Variants in SEM1 observed in about 807,000 individuals in gnomAD.
The protein encoded by SEM1 is SEM1 26S proteasome subunit.
Under a neutral mutation model 12.7 loss-of-function variants are expected in SEM1, and 3 were observed. That is an observed-to-expected ratio of 0.24 (90% CI 0.11 to 0.61). The LOEUF (loss-of-function observed/expected upper bound fraction) is 0.61, where lower values mean the gene tolerates loss of function less well. Among genes scored for constraint, SEM1 ranks in the 20% least tolerant of loss-of-function variants. The probability of loss-of-function intolerance (pLI) is 0.88; values close to 1 mark genes in which losing one functional copy is unlikely to be tolerated. For missense variants in SEM1, 59 were observed against 81.3 expected (o/e 0.73, Z 1.06); for synonymous variants, 30 against 27.8 (o/e 1.08, Z -0.25).
downstream of SEM1, among the ~76,000 whole-genome samples, chr7:96,686,469 A>G (rs1047304024): frequency 6.6e-6 from 1 of 152,176 alleles, no homozygotes; most frequent in Non-Finnish European, 1.5e-5. Context: ...CCATCACTTA[A>G]TACTGTCAGT....
chr7:96,683,547 G>A (rs1489186739), intron 2 of SEM1, among the ~76,000 whole-genome samples: 1 of 152,080 alleles, frequency 6.6e-6, no homozygotes, highest in African/African-American at 2.4e-5. Flanking sequence ...TATACCCAAA[G>A]GATTATAAAT....
intron 1 of SEM1, among the ~76,000 whole-genome samples, chr7:96,704,014 C>CACACACACACACAT (rs3219557): frequency 3.4e-5 from 5 of 149,074 alleles, no homozygotes; most frequent in African/African-American, 1.2e-4. Context: ...CACACACATA[C>CACACACACACACAT]ATAAAAGAAC....
At position 96,679,372 on chromosome 7, in the gene SEM1, G is replaced by A. The variant is rs568087333; in HGVS notation, c.171-5513C>T. 2.2e-4 allele frequency among the ~76,000 whole-genome samples: 33 copies of A among 151,980 alleles called. 1 individual carries two copies. The South Asian group carries it at 2.9e-3, about 13-fold the overall frequency. The stretch of plus-strand genomic sequence containing the variant: ...GATTTCTATACATAAAATACCAACC[G>A]GGAGTCTTTGTTTTTGAGTACGAGT... On this transcript the variant is annotated intron_variant, in intron 2 of 2. Transcript: ENST00000413065.
At chr7:96,699,723 C>A (rs1011867546) in intron 1 of SEM1, among the ~76,000 whole-genome samples, 9 of 152,192 alleles carry the variant, frequency 5.9e-5, no homozygotes, top group African/African-American at 2.2e-4. Context: ...TTCTTTTGAA[C>A]TGCTGTTGCA....
At chr7:96,502,149 T>C (rs1563033478) in intron 3 of SEM1, among the ~76,000 whole-genome samples, 1 of 152,170 alleles carries the variant, frequency 6.6e-6, no homozygotes, top group Non-Finnish European at 1.5e-5. Context: ...TATTTAATTT[T>C]CAGAAATGCT....
chr7:96,642,804 T>G (rs1400145468), intron 2 of SEM1, among the ~76,000 whole-genome samples: 1 of 152,012 alleles, frequency 6.6e-6, no homozygotes, highest in East Asian at 1.9e-4. Context: ...TTCCTCAGGA[T>G]TCTACAATTG....
intron 2 of SEM1, among the ~76,000 whole-genome samples, chr7:96,508,327 G>A (rs984658739): frequency 7.9e-5 from 12 of 152,076 alleles, no homozygotes; most frequent in African/African-American, 2.7e-4. Context: ...TAGGGAAGAT[G>A]AGGAAAGATA....
At chr7:96,627,586 CTGT>C (rs1335457399) in intron 2 of SEM1, among the ~76,000 whole-genome samples, 1 of 151,978 alleles carries the variant, frequency 6.6e-6, no homozygotes, top group Non-Finnish European at 1.5e-5. Context: ...TCCAAAATTT[CTGT>C]TGTTATTGAT....
chr7:96,526,582 A>G (rs561029671), intron 2 of SEM1, among the ~76,000 whole-genome samples: 1 of 152,284 alleles, frequency 6.6e-6, no homozygotes, highest in Non-Finnish European at 1.5e-5. Flanking sequence ...AGGGAAAGCC[A>G]CCAGGACAAA....
intron 1 of SEM1, chr7:96,696,530 C>T (rs1172164056): frequency 6.6e-6 from 1 of 151,840 alleles, no homozygotes; most frequent in Non-Finnish European, 1.5e-5. Flanking sequence ...GATGAGGAAT[C>T]TGAGAAATAA....
chr7:96,483,715 A>T, exon 4 of SEM1: 1 of 1,050,610 alleles, frequency 9.5e-7, no homozygotes, highest in Admixed American at 2.0e-5. Flanking sequence ...CATGTGACCC[A>T]CCCAGCCACA....
chr7:96,547,238 A>G (rs1434755208), intron 2 of SEM1, among the ~76,000 whole-genome samples: 1 of 152,258 alleles, frequency 6.6e-6, no homozygotes, highest in East Asian at 1.9e-4. Context: ...TCCTTCATTG[A>G]TGGTCTAGAG....
chr7:96,672,384 C>T (rs10272873), downstream of SEM1, among the ~76,000 whole-genome samples: 51,915 of 151,964 alleles, frequency 0.34, 10,680 homozygotes, highest in African/African-American at 0.59. Context: ...GGGAAGACAT[C>T]GTAGGTAGGA....
At chr7:96,648,876 A>G (rs112228834) in intron 2 of SEM1, among the ~76,000 whole-genome samples, 6 of 152,340 alleles carry the variant, frequency 3.9e-5, no homozygotes, top group African/African-American at 1.4e-4. Flanking sequence ...GTGCTGAAGC[A>G]TATATCAGCT....
intron 2 of SEM1, among the ~76,000 whole-genome samples, chr7:96,637,997 T>A (rs1808480259): frequency 6.6e-6 from 1 of 152,026 alleles, no homozygotes; most frequent in Non-Finnish European, 1.5e-5. Context: ...GTCACAGAGC[T>A]AATGGCTACC....
chr7:96,597,783 T>G (rs539037210), intron 2 of SEM1, among the ~76,000 whole-genome samples: 2 of 152,102 alleles, frequency 1.3e-5, no homozygotes, highest in East Asian at 3.9e-4. Context: ...GCCTCCTCAC[T>G]CTTGTACCCA....
downstream of SEM1, among the ~76,000 whole-genome samples, chr7:96,618,203 G>C (rs146654796): frequency 4.9e-3 from 746 of 152,160 alleles, 9 homozygotes; most frequent in African/African-American, 0.017. Flanking sequence ...ATTCAATCTC[G>C]CTATTTATTG....
chr7:96,504,865 A>AT (rs1361877043), intron 3 of SEM1, among the ~76,000 whole-genome samples: 11 of 151,430 alleles, frequency 7.3e-5, no homozygotes, highest in African/African-American at 2.2e-4. Context: ...TCTGCTTGTA[A>AT]TTTACTTGTT....
intron 2 of SEM1, among the ~76,000 whole-genome samples, chr7:96,556,375 A>T (rs1306663852): frequency 6.6e-6 from 1 of 152,060 alleles, no homozygotes; most frequent in East Asian, 1.9e-4. Flanking sequence ...AGCTCTTGTA[A>T]GGCAGGCCTG....
Sources: allele counts gnomAD v4.1 joint callset (sites outside exome capture counted in the v4.1 genomes callset), GRCh38; gene constraint gnomAD v4.1.1; transcripts MANE v1.5; gene names NCBI Gene and HGNC (gene_info 2026-07-23, HGNC 2026-07-21).